The following ASIC2 variants were observed in gnomAD, a reference collection of about 807,000 sequenced individuals.
The protein encoded by ASIC2 is acid sensing ion channel subunit 2.
Under a neutral mutation model 57.3 loss-of-function variants are expected in ASIC2, and 25 were observed. That is an observed-to-expected ratio of 0.44 (90% CI 0.32 to 0.61). The LOEUF is 0.61. ASIC2 is among the 20% of genes least tolerant of loss of function. ASIC2 has a pLI of 0.06. For missense variants in ASIC2, 641 were observed against 738.1 expected (o/e 0.87, Z 1.52); for synonymous variants, 319 against 307.5 (o/e 1.04, Z -0.39).
At chr17:33,884,465 A>G (rs977689997) in intron 1 of ASIC2, among the ~76,000 whole-genome samples, 6 of 151,900 alleles carry the variant, frequency 3.9e-5, no homozygotes, top group Non-Finnish European at 8.8e-5. Context: ...CCTTCTTTTT[A>G]TCTGCTGGAT....
chr17:33,361,421 A>G (rs1034802163), intron 1 of ASIC2, among the ~76,000 whole-genome samples: 2 of 152,214 alleles, frequency 1.3e-5, no homozygotes, highest in Non-Finnish European at 2.9e-5. Context: ...CTAGGAGAGT[A>G]ATAACCAAAT....
intron 1 of ASIC2, among the ~76,000 whole-genome samples, chr17:33,696,789 A>G (rs1380511665): frequency 2.0e-5 from 3 of 152,218 alleles, no homozygotes; most frequent in African/African-American, 7.2e-5. Flanking sequence ...TTCTTACAAT[A>G]AAGTAAGCTA....
rs149026077 is a variant in ASIC2, at chr17:33,365,374, C to G, written c.556-253307G>C. On this transcript the variant is annotated intron_variant, in intron 1 of 9. Coordinates refer to the ASIC2 transcript ENST00000359872. ...AGAATGCAAGCTCCTAGGGTAGTAA[C>G]TGGGTCTTGTTTTTTTTTTGATTCC... Among the ~76,000 whole-genome samples the G allele has an allele frequency of 9.6e-3, 1,408 of 146,910 alleles. 25 individuals are homozygous for G. Among genetic ancestry groups the G allele is most frequent in the African/African-American group, 0.033 (1,338 of 40,952 alleles).
chr17:33,579,513 C>T (rs890935534), intron 1 of ASIC2, among the ~76,000 whole-genome samples: 1 of 152,058 alleles, frequency 6.6e-6, no homozygotes, highest in African/African-American at 2.4e-5. Flanking sequence ...AGAATTGTCT[C>T]CTCCTGGTGG....
intron 1 of ASIC2, among the ~76,000 whole-genome samples, chr17:33,184,202 G>A (rs1487998746): frequency 1.3e-5 from 2 of 152,136 alleles, no homozygotes; most frequent in Non-Finnish European, 2.9e-5. Context: ...AGATGGTATA[G>A]TATAAAAGCA....
chr17:33,441,567 A>T (rs557172254), intron 1 of ASIC2, among the ~76,000 whole-genome samples: 1 of 152,298 alleles, frequency 6.6e-6, no homozygotes, highest in Admixed American at 6.5e-5. Flanking sequence ...CACCATGAAC[A>T]TTTGAGAAAA....
intron 1 of ASIC2, among the ~76,000 whole-genome samples, chr17:33,669,233 C>G (rs991637233): frequency 5.9e-5 from 9 of 152,178 alleles, no homozygotes; most frequent in African/African-American, 2.2e-4. Flanking sequence ...TAGAAATCTA[C>G]CCCAGGCACC....
chr17:33,595,780 G>A (rs576950063), intron 1 of ASIC2, among the ~76,000 whole-genome samples: 36 of 152,218 alleles, frequency 2.4e-4, no homozygotes, highest in Non-Finnish European at 4.6e-4. Flanking sequence ...TCGTTTTCAG[G>A]AATACTTGGG....
chr17:33,813,564 G>A (rs1169910271), intron 1 of ASIC2, among the ~76,000 whole-genome samples: 1 of 152,176 alleles, frequency 6.6e-6, no homozygotes, highest in East Asian at 1.9e-4. Flanking sequence ...AGCCTCCTGA[G>A]TAGCTGGGAC....
intron 1 of ASIC2, among the ~76,000 whole-genome samples, chr17:33,919,820 A>C (rs1915670463): frequency 6.6e-6 from 1 of 152,220 alleles, no homozygotes; most frequent in Non-Finnish European, 1.5e-5. Context: ...TAAATAATTC[A>C]ACAAGAAAAT....
chr17:34,126,455 T>G (rs1330578879), intron 1 of ASIC2, among the ~76,000 whole-genome samples: 1 of 152,180 alleles, frequency 6.6e-6, no homozygotes, highest in Non-Finnish European at 1.5e-5. Context: ...AGCCTGCCTT[T>G]CCTGCATGGG....
chr17:33,706,168 ATG>A (rs71364613), intron 1 of ASIC2, among the ~76,000 whole-genome samples: 1,491 of 146,886 alleles, frequency 0.01, 28 homozygotes, highest in African/African-American at 0.034. Context: ...CTGTAGTCAT[ATG>A]TGTGTGTGTG....
chr17:33,874,453 G>A (rs1914502337), intron 1 of ASIC2, among the ~76,000 whole-genome samples: 2 of 152,178 alleles, frequency 1.3e-5, no homozygotes, highest in Admixed American at 6.5e-5. Context: ...TTAACTGGGT[G>A]TTCTGTATTT....
At chr17:33,446,480 T>A (rs184946876) in intron 1 of ASIC2, among the ~76,000 whole-genome samples, 179 of 152,264 alleles carry the variant, frequency 1.2e-3, no homozygotes, top group Non-Finnish European at 2.1e-3. Flanking sequence ...GAAATCAGAA[T>A]GTTCAACGTG....
At chr17:33,579,524 G>C (rs1240095003) in intron 1 of ASIC2, among the ~76,000 whole-genome samples, 1 of 152,102 alleles carries the variant, frequency 6.6e-6, no homozygotes, top group Non-Finnish European at 1.5e-5. Context: ...CTCCTGGTGG[G>C]TTCTCGGTCT....
At chr17:33,386,597 T>A (rs553674949) in intron 1 of ASIC2, among the ~76,000 whole-genome samples, 3 of 152,196 alleles carry the variant, frequency 2.0e-5, no homozygotes, top group Admixed American at 6.5e-5. Flanking sequence ...ATCCCTCACC[T>A]GGACTCTAAT....
At position 33,728,655 on chromosome 17, in the gene ASIC2, T is replaced by C. The variant is rs191944845; in HGVS notation, c.555+427323A>G. Among the ~76,000 whole-genome samples the C allele has an allele frequency of 9.1e-4, 138 of 152,260 alleles. 1 individual carries two copies. The highest frequency in any genetic ancestry group is 1.4e-3 in the Non-Finnish European group (97 of 68,020). On this transcript the variant is annotated intron_variant, in intron 1 of 9. Coordinates refer to the ASIC2 transcript ENST00000359872. The stretch of plus-strand genomic sequence containing the variant: ...ACAGAGTACTGGGTCTATCTAACTA[T>C]TGAGGGTCTGAGGACCCAGGAAATG...
At chr17:33,728,460 G>A (rs1488209653) in intron 1 of ASIC2, among the ~76,000 whole-genome samples, 1 of 152,152 alleles carries the variant, frequency 6.6e-6, no homozygotes, top group African/African-American at 2.4e-5. Flanking sequence ...GGGACCCCTA[G>A]CTCTCTCTTA....
chr17:33,464,622 CCTTTTTCTTTT>C (rs1201888446), intron 1 of ASIC2, among the ~76,000 whole-genome samples: 2 of 139,566 alleles, frequency 1.4e-5, no homozygotes, highest in Non-Finnish European at 3.1e-5. Context: ...TTTTTTCTTT[CCTTTTTCTTTT>C]CTTTTTATTT....
Sources: gnomAD v4.1 joint callset for allele counts (sites outside exome capture counted in the v4.1 genomes callset) on GRCh38, gnomAD v4.1.1 for gene constraint, MANE v1.5 for transcripts, NCBI Gene and HGNC (gene_info 2026-07-23, HGNC 2026-07-21) for gene names.